DAAM1: variants seen among roughly 807,000 people sequenced by gnomAD.
The protein encoded by DAAM1 is disheveled-associated activator of morphogenesis 1.
Under a neutral mutation model 130.0 loss-of-function variants are expected in DAAM1, and 52 were observed. The observed-to-expected ratio is 0.40, with a 90% CI of 0.32 to 0.50. The LOEUF (loss-of-function observed/expected upper bound fraction) is 0.50, where lower values mean the gene tolerates loss of function less well. Among genes scored for constraint, DAAM1 ranks in the 20% least tolerant of loss-of-function variants. The pLI is 0.61. For synonymous variants in DAAM1, 452 were observed against 444.5 expected (o/e 1.02, Z -0.21); for missense variants, 1,134 against 1,303.8 (o/e 0.87, Z 2.01).
intron 2 of DAAM1, among the ~76,000 whole-genome samples, chr14:59,281,754 G>A (rs369436961): frequency 1.6e-4 from 24 of 152,286 alleles, no homozygotes; most frequent in East Asian, 1.2e-3. Flanking sequence ...CCTGGAATGG[G>A]TAGGACAGTG....
chr14:59,249,950 A>G (rs988559516), intron 1 of DAAM1, among the ~76,000 whole-genome samples: 1 of 152,214 alleles, frequency 6.6e-6, no homozygotes, highest in Non-Finnish European at 1.5e-5. Flanking sequence ...AACTTTAAAT[A>G]TATTTGATTG....
intron 1 of DAAM1, among the ~76,000 whole-genome samples, chr14:59,250,172 G>A (rs1881572649): frequency 6.6e-6 from 1 of 152,130 alleles, no homozygotes; most frequent in Non-Finnish European, 1.5e-5. Flanking sequence ...TGACATAACG[G>A]CTTTAGTGAA....
Position 59,323,242 on chromosome 14 carries a change from C to T in DAAM1, c.774+17C>T, listed in dbSNP as rs749978966. On this transcript the variant is annotated intron_variant, in intron 6 of 24. Coordinates refer to ENST00000360909, the MANE Select transcript of DAAM1 (RefSeq NM_001270520.2). Reference sequence around the variant, plus strand: ...CGCTTTCAGGTGGGTGTTCGCTCAGCCTTCTTCACTCACCCCTTCTTTAAA... The same window carrying T: ...CGCTTTCAGGTGGGTGTTCGCTCAGTCTTCTTCACTCACCCCTTCTTTAAA... The T allele has an allele frequency of 1.3e-6, 2 of 1,571,032 alleles. No individual in the cohort carries two copies. Among genetic ancestry groups the T allele is most frequent in the East Asian group, 2.3e-5 (1 of 43,504 alleles).
chr14:59,278,924 G>A (rs959610238), intron 2 of DAAM1, among the ~76,000 whole-genome samples: 2 of 145,080 alleles, frequency 1.4e-5, no homozygotes, highest in Non-Finnish European at 3.1e-5. Flanking sequence ...CAACTCCTTG[G>A]TTTATCTAAT....
Position 59,340,099 on chromosome 14 carries a change from C to G in DAAM1, c.1994C>G (p.Thr665Ser). The G allele has an allele frequency of 6.2e-7, 1 of 1,613,650 alleles. No individual in the cohort carries two copies. Among genetic ancestry groups the G allele is most frequent in the East Asian group, 2.2e-5 (1 of 44,860 alleles). The part of the protein sequence containing the change: ...QQKEADAIDD[T>S]LSSKLKVKEL... ...AAAGAAGCAGATGCCATTGATGACA[C>G]TCTGAGTTCCAAACTTAAAGTTAAA... The change falls in exon 16 of 25, where the codon ACT (threonine) becomes AGT (serine). Residue 665 changes from threonine (T) to serine (S), a missense_variant. Physicochemically the swap from Thr to Ser is moderately conservative, Grantham distance 58. This residue lies in a region of DAAM1 where 644 missense variants were observed against 695.9 expected (regional missense o/e 0.93). Transcript: ENST00000360909.
intron 17 of DAAM1, among the ~76,000 whole-genome samples, chr14:59,348,259 C>G (rs1886157179): frequency 6.6e-6 from 1 of 152,196 alleles, no homozygotes; most frequent in Non-Finnish European, 1.5e-5. Flanking sequence ...CCCATGGTAT[C>G]TTGTTATAAT....
intron 2 of DAAM1, among the ~76,000 whole-genome samples, chr14:59,272,366 G>T (rs1882746418): frequency 6.6e-6 from 1 of 152,070 alleles, no homozygotes; most frequent in Non-Finnish European, 1.5e-5. Context: ...ATCACTTGAG[G>T]CCAGGAGTTC....
rs902156580 is a variant in DAAM1 at position 59,323,193 on chromosome 14, C to A, written c.742C>A (p.Gln248Lys). The change falls in exon 6 of 25, where the codon CAG (glutamine) becomes AAG (lysine). Residue 248 changes from glutamine to lysine, a missense_variant. By Grantham distance (53) the Gln-to-Lys change is moderately conservative (BLOSUM62 1). Coordinates refer to ENST00000360909, the MANE Select transcript of DAAM1 (RefSeq NM_001270520.2). ...GGTTCTGCAGGCCATGCTGCACTAC[C>A]AGAAGTATGCCAGCGAAAGGACCCG... ...KKVLQAMLHY[Q>K]KYASERTRFQ... 1.2e-6 allele frequency: 2 copies of A among 1,611,518 alleles called. No individual in the cohort carries two copies. Among genetic ancestry groups the A allele is most frequent in the Admixed American group, 3.3e-5 (2 of 59,908 alleles).
intron 2 of DAAM1, among the ~76,000 whole-genome samples, chr14:59,277,192 A>T (rs1227333712): frequency 6.6e-6 from 1 of 152,170 alleles, no homozygotes; most frequent in Non-Finnish European, 1.5e-5. Context: ...TAGTCTTTCA[A>T]CTCATTCAAG....
chr14:59,359,607 C>T (rs1211143977), intron 21 of DAAM1, 103 bp downstream of exon 21: 1 of 764,654 alleles, frequency 1.3e-6, no homozygotes, highest in Admixed American at 2.5e-5. Flanking sequence ...ATTTGTTTTC[C>T]CCTGATCATT....
chr14:59,324,553 C>G (rs1885137262), intron 8 of DAAM1, 99 bp downstream of exon 8: 2 of 614,752 alleles, frequency 3.3e-6, no homozygotes, highest in Non-Finnish European at 5.0e-6. Context: ...TGTGCCCTGT[C>G]TGTAACATAA....
chr14:59,361,919 A>G (rs1188109149), intron 22 of DAAM1, among the ~76,000 whole-genome samples: 3 of 151,388 alleles, frequency 2.0e-5, no homozygotes, highest in East Asian at 3.9e-4. Context: ...ACTGCCATAG[A>G]AAGTAGTTGA....
At chr14:59,337,785 C>T (rs571922877) in intron 15 of DAAM1, among the ~76,000 whole-genome samples, 1 of 152,258 alleles carries the variant, frequency 6.6e-6, no homozygotes, top group Non-Finnish European at 1.5e-5. Context: ...TTTCCTCATA[C>T]CTACCTGTAG....
chr14:59,232,075 G>A (rs1264568028), intron 1 of DAAM1, among the ~76,000 whole-genome samples: 1 of 152,176 alleles, frequency 6.6e-6, no homozygotes, highest in African/African-American at 2.4e-5. Flanking sequence ...ATTCTCTTGG[G>A]AAGTTGTGCC....
chr14:59,244,704 G>T (rs1476948368), intron 1 of DAAM1, among the ~76,000 whole-genome samples: 1 of 152,168 alleles, frequency 6.6e-6, no homozygotes, highest in Admixed American at 6.5e-5. Flanking sequence ...CAGTTTGACA[G>T]CTGTGTGAAT....
At chr14:59,344,515 T>G (rs1392143828) in intron 16 of DAAM1, among the ~76,000 whole-genome samples, 1 of 152,190 alleles carries the variant, frequency 6.6e-6, no homozygotes. Context: ...CAGATGATAC[T>G]AAGAACTCTG....
chr14:59,277,656 C>G (rs1380245516), intron 2 of DAAM1, among the ~76,000 whole-genome samples: 1 of 152,038 alleles, frequency 6.6e-6, no homozygotes, highest in Non-Finnish European at 1.5e-5. Context: ...CCTTTTATCT[C>G]TTGCTTAATC....
At chr14:59,235,794 T>C (rs1329990902) in intron 1 of DAAM1, among the ~76,000 whole-genome samples, 1 of 152,192 alleles carries the variant, frequency 6.6e-6, no homozygotes, top group Non-Finnish European at 1.5e-5. Flanking sequence ...TAAATTTCCC[T>C]TTTAACACTG....
chr14:59,352,734 A>C, intron 18 of DAAM1, 102 bp downstream of exon 18: 1 of 978,222 alleles, frequency 1.0e-6, no homozygotes, highest in Non-Finnish European at 1.5e-6. Context: ...AACCTGGCTT[A>C]ACTTGAAAGC....
Sources: allele counts gnomAD v4.1 joint callset (sites outside exome capture counted in the v4.1 genomes callset), GRCh38; gene constraint gnomAD v4.1.1; regional missense constraint gnomAD v4.1.1; transcripts MANE v1.5; gene names NCBI Gene and HGNC (gene_info 2026-07-23, HGNC 2026-07-21).